Variants in MARCHF5 observed in about 807,000 individuals in gnomAD.
MARCHF5 encodes E3 ubiquitin-protein ligase MARCHF5.
A neutral mutation model predicts 36.5 loss-of-function variants in MARCHF5; 5 were observed. The observed-to-expected ratio is 0.14, with a 90% confidence interval of 0.07 to 0.29. MARCHF5 has a LOEUF of 0.29. Among genes scored for constraint, MARCHF5 ranks in the 10% least tolerant of loss-of-function variants. The probability of loss-of-function intolerance (pLI) is 1.00; values close to 1 mark genes in which losing one functional copy is unlikely to be tolerated. For synonymous variants in MARCHF5, 103 were observed against 109.9 expected, an observed-to-expected ratio of 0.94 and a Z score of 0.39; for missense variants, 179 against 336.3, an observed-to-expected ratio of 0.53 and a Z score of 3.66.
intron 4 of MARCHF5, 37 bp from the exon 5 acceptor site, chr10:92,349,633 AT>A: frequency 4.4e-6 from 7 of 1,604,006 alleles, no homozygotes; most frequent in Middle Eastern, 1.7e-4. Context: ...AACTCTTCTG[AT>A]TTATTAGCAC....
intron 1 of MARCHF5, among the ~76,000 whole-genome samples, chr10:92,303,584 A>T (rs983736986): frequency 6.6e-6 from 1 of 152,164 alleles, no homozygotes; most frequent in East Asian, 1.9e-4. Context: ...AGTTCCTTAC[A>T]TGTAGTTCCT....
intron 1 of MARCHF5, among the ~76,000 whole-genome samples, chr10:92,302,518 C>T (rs1445341199): frequency 6.6e-6 from 1 of 150,718 alleles, no homozygotes; most frequent in African/African-American, 2.4e-5. Context: ...GATCTCGGCT[C>T]ACTGCAACCT....
At chr10:92,337,063 AGTGAG>A (rs1843510846) in intron 2 of MARCHF5, among the ~76,000 whole-genome samples, 1 of 151,464 alleles carries the variant, frequency 6.6e-6, no homozygotes. Flanking sequence ...CGGAAATTAC[AGTGAG>A]CCAAGATGAC....
chr10:92,307,135 C>T (rs1843082721), intron 1 of MARCHF5, among the ~76,000 whole-genome samples: 1 of 151,510 alleles, frequency 6.6e-6, no homozygotes, highest in African/African-American at 2.4e-5. Flanking sequence ...GCCTGGACAA[C>T]AGAGCCAGAC....
intron 2 of MARCHF5, among the ~76,000 whole-genome samples, chr10:92,332,856 A>G (rs1414713517): frequency 6.6e-6 from 1 of 150,984 alleles, no homozygotes; most frequent in Non-Finnish European, 1.5e-5. Flanking sequence ...GTATTACTTG[A>G]TATCTTCAAT....
rs556436870 is a variant in MARCHF5 at position 92,322,972 on chromosome 10, G to A, written c.238+11635G>A. The stretch of plus-strand genomic sequence containing the variant: ...AGGATGGTCTTGATCTCTTGACCTC[G>A]TGATCCACCCACCTTGGCCTCCCAA... On this transcript the variant is annotated intron_variant, in intron 2 of 5. Transcript: ENST00000358935. 1.6e-3 allele frequency among the ~76,000 whole-genome samples: 240 copies of A among 151,654 alleles called. 2 individuals carry two copies. The highest frequency in any genetic ancestry group is 5.4e-3 in the African/African-American group (222 of 41,058).
At chr10:92,323,861 A>G (rs969538844) in intron 2 of MARCHF5, among the ~76,000 whole-genome samples, 1 of 152,248 alleles carries the variant, frequency 6.6e-6, no homozygotes, top group Non-Finnish European at 1.5e-5. Context: ...AGCTGTACAC[A>G]TCCATGTACA....
intron 2 of MARCHF5, among the ~76,000 whole-genome samples, chr10:92,326,598 T>G (rs1204616640): frequency 6.6e-6 from 1 of 152,174 alleles, no homozygotes; most frequent in Non-Finnish European, 1.5e-5. Flanking sequence ...TAACAAAAAT[T>G]TTATGAGTTG....
At chr10:92,291,665 C>CA (rs1590638315) in intron 1 of MARCHF5, 136 bp downstream of exon 1, 1 of 1,341,680 alleles carries the variant, frequency 7.5e-7, no homozygotes, top group Non-Finnish European at 9.8e-7. Context: ...GTGAGAGGGG[C>CA]AAAAAGTTTG....
chr10:92,292,314 A>G (rs1842887330), intron 1 of MARCHF5, among the ~76,000 whole-genome samples: 1 of 151,422 alleles, frequency 6.6e-6, no homozygotes, highest in Non-Finnish European at 1.5e-5. Flanking sequence ...GTTTTTGGAG[A>G]CTCTAGATCC....
chr10:92,301,419 T>A (rs1361212509), intron 1 of MARCHF5, among the ~76,000 whole-genome samples: 1 of 152,224 alleles, frequency 6.6e-6, no homozygotes, highest in Non-Finnish European at 1.5e-5. Flanking sequence ...CATGGTGCAG[T>A]GAAAAAAGCT....
chr10:92,319,116 C>T (rs1843253600), intron 2 of MARCHF5, among the ~76,000 whole-genome samples: 1 of 152,146 alleles, frequency 6.6e-6, no homozygotes. Context: ...ATTCCCATCA[C>T]CTTGTGGCAT....
intron 2 of MARCHF5, among the ~76,000 whole-genome samples, chr10:92,315,139 T>A (rs1315766736): frequency 6.6e-6 from 1 of 152,228 alleles, no homozygotes; most frequent in Non-Finnish European, 1.5e-5. Flanking sequence ...AATATCTTCT[T>A]CTAAAACTTT....
At chr10:92,296,887 C>G (rs778133709) in intron 1 of MARCHF5, among the ~76,000 whole-genome samples, 1 of 152,156 alleles carries the variant, frequency 6.6e-6, no homozygotes, top group Non-Finnish European at 1.5e-5. Context: ...GCTGTATAAA[C>G]AATTTCACAT....
chr10:92,303,012 C>G (rs1843033911), intron 1 of MARCHF5, among the ~76,000 whole-genome samples: 1 of 152,162 alleles, frequency 6.6e-6, no homozygotes. Context: ...CCCAGAATTT[C>G]CTAAGAATCC....
chr10:92,345,230 G>C (rs1843627550), intron 3 of MARCHF5, among the ~76,000 whole-genome samples: 1 of 151,982 alleles, frequency 6.6e-6, no homozygotes, highest in South Asian at 2.1e-4. Context: ...TAGGATTCTG[G>C]CCAGGTGCTG....
At chr10:92,324,203 C>G (rs1843326808) in intron 2 of MARCHF5, among the ~76,000 whole-genome samples, 1 of 152,166 alleles carries the variant, frequency 6.6e-6, no homozygotes, top group Admixed American at 6.5e-5. Flanking sequence ...GAGGTGTACA[C>G]TTTAAAATCA....
At chr10:92,328,819 A>T (rs34126576) in intron 2 of MARCHF5, among the ~76,000 whole-genome samples, 39,503 of 112,780 alleles carry the variant, frequency 0.35, 6,526 homozygotes, top group East Asian at 0.42. Context: ...ATATATATAT[A>T]TATTTTTTTT....
intron 3 of MARCHF5, 80 bp from the exon 4 acceptor site, chr10:92,349,269 T>C (rs769754016): frequency 6.5e-6 from 7 of 1,076,502 alleles, no homozygotes; most frequent in South Asian, 4.0e-5. Flanking sequence ...TTAAGCATTT[T>C]CTATTAAAAA....
Sources: gnomAD v4.1 joint callset for allele counts (sites outside exome capture counted in the v4.1 genomes callset) on GRCh38, gnomAD v4.1.1 for gene constraint, MANE v1.5 for transcripts, NCBI Gene and HGNC (gene_info 2026-07-23, HGNC 2026-07-21) for gene names.